Variants in RGS9 observed in about 807,000 individuals in gnomAD.
RGS9 encodes regulator of G protein signaling 9, also known as regulator of G-protein signalling 9.
A neutral mutation model predicts 102.0 loss-of-function variants in RGS9; 78 were observed. The observed-to-expected ratio is 0.76, with a 90% confidence interval of 0.64 to 0.92. RGS9 has a LOEUF of 0.92. Ranked by LOEUF, RGS9 falls within the 40% of genes least tolerant of loss-of-function variation. The pLI is 0.00. For missense variants in RGS9, 833 were observed against 866.1 expected (o/e 0.96, Z 0.48); for synonymous variants, 353 against 318.6 (o/e 1.11, Z -1.15).
intron 17 of RGS9, among the ~76,000 whole-genome samples, chr17:65,216,579 G>T (rs1913530884): frequency 6.6e-6 from 1 of 152,234 alleles, no homozygotes; most frequent in African/African-American, 2.4e-5. Context: ...AGAAGTTGCA[G>T]CGAGCTGAGA....
chr17:65,201,818 G>C (rs570134485), intron 13 of RGS9, among the ~76,000 whole-genome samples, 175 bp from the exon 14 acceptor site: 2 of 152,326 alleles, frequency 1.3e-5, no homozygotes, highest in South Asian at 4.1e-4. Context: ...CTTTCCCCAA[G>C]GAGTATTGTT....
At chr17:65,207,392 GTTGTTAA>G (rs1348044914) in intron 15 of RGS9, among the ~76,000 whole-genome samples, 1 of 152,174 alleles carries the variant, frequency 6.6e-6, no homozygotes, top group African/African-American at 2.4e-5. Flanking sequence ...TGTTCAGGTA[GTTGTTAA>G]TTGTTAATTG....
intron 16 of RGS9, among the ~76,000 whole-genome samples, chr17:65,209,501 G>T (rs569210664): frequency 1.8e-4 from 27 of 152,268 alleles, no homozygotes; most frequent in African/African-American, 6.3e-4. Context: ...GCTTACGTGG[G>T]CCCTCAAAGG....
At chr17:65,167,030 A>G (rs950514649) in intron 7 of RGS9, among the ~76,000 whole-genome samples, 10 of 152,166 alleles carry the variant, frequency 6.6e-5, no homozygotes, top group Non-Finnish European at 1.2e-4. Context: ...GAAAACAAGC[A>G]TTAACAAGTG....
intron 8 of RGS9, among the ~76,000 whole-genome samples, chr17:65,168,673 C>G (rs1040948126): frequency 2.0e-5 from 3 of 149,454 alleles, no homozygotes; most frequent in African/African-American, 7.4e-5. Flanking sequence ...AGAATGGAAA[C>G]TGCTTGGCCA....
At position 65,198,006 on chromosome 17, in the gene RGS9, C is replaced by T. The variant is rs117132379; in HGVS notation, c.976+765C>T. 4.6e-3 allele frequency among the ~76,000 whole-genome samples: 707 copies of T among 152,174 alleles called. 5 individuals are homozygous for T. The highest frequency in any genetic ancestry group is 0.024 in the East Asian group (122 of 5,148). ...CTTTAGCTCAGTGGTTCTACACATT[C>T]AGTCTGCCTGGGGATATTTTAAAAC... is the stretch of plus-strand genomic sequence containing the variant. On this transcript the variant is annotated intron_variant, in intron 13 of 18. Coordinates refer to ENST00000262406, the MANE Select transcript of RGS9 (RefSeq NM_003835.4).
intron 1 of RGS9, among the ~76,000 whole-genome samples, chr17:65,144,267 G>A (rs1010002782): frequency 6.6e-6 from 1 of 152,168 alleles, no homozygotes; most frequent in Admixed American, 6.5e-5. Flanking sequence ...TCCCCCGGGT[G>A]CCTTCTCCAG....
At chr17:65,162,629 A>AT (rs1292003133) in intron 6 of RGS9, among the ~76,000 whole-genome samples, 2 of 146,654 alleles carry the variant, frequency 1.4e-5, no homozygotes, top group African/African-American at 4.9e-5. Context: ...CGCCTGGCTA[A>AT]TTTTTTGTAT....
At chr17:65,178,876 A>G (rs944310373) in intron 9 of RGS9, among the ~76,000 whole-genome samples, 3 of 152,144 alleles carry the variant, frequency 2.0e-5, no homozygotes, top group Non-Finnish European at 4.4e-5. Context: ...AGCTCTGCCC[A>G]TGAGATGTCA....
At chr17:65,199,586 C>G (rs1046635716) in intron 13 of RGS9, among the ~76,000 whole-genome samples, 1 of 150,058 alleles carries the variant, frequency 6.7e-6, no homozygotes, top group Non-Finnish European at 1.5e-5. Context: ...TTCTGCCTCC[C>G]GGGTTCAAGT....
chr17:65,226,852 C>T (rs747722533), intron 18 of RGS9, among the ~76,000 whole-genome samples: 3 of 151,922 alleles, frequency 2.0e-5, no homozygotes, highest in South Asian at 4.2e-4. Context: ...TGACCTCAGG[C>T]GATCCGCCTG....
chr17:65,145,222 C>T (rs1567857841), intron 1 of RGS9, among the ~76,000 whole-genome samples: 1 of 150,842 alleles, frequency 6.6e-6, no homozygotes, highest in Non-Finnish European at 1.5e-5. Flanking sequence ...TCTAGAGTAG[C>T]TGGGACTACA....
chr17:65,188,386 G>A lies in RGS9; in HGVS notation c.655-900G>A, dbSNP rs1370350687. ...AGGGGATGGGGCCTGATTCCACAGG[G>A]CAGCTCAACTCGGGGACTCAGCTTG... On this transcript the variant is annotated intron_variant, in intron 9 of 18. Transcript: ENST00000262406. 2.0e-5 allele frequency among the ~76,000 whole-genome samples: 3 copies of A among 152,180 alleles called. No individual in the cohort carries two copies. In the East Asian group the frequency reaches 5.8e-4, roughly 29 times the overall value.
At chr17:65,193,450 G>A in intron 11 of RGS9, 93 bp from the exon 12 acceptor site, 1 of 815,484 alleles carries the variant, frequency 1.2e-6, no homozygotes, top group Non-Finnish European at 2.2e-6. Flanking sequence ...AATCGATACA[G>A]GAAAAGAGGA....
At chr17:65,221,763 T>G (rs1913713467) in intron 17 of RGS9, among the ~76,000 whole-genome samples, 2 of 152,204 alleles carry the variant, frequency 1.3e-5, no homozygotes, top group Non-Finnish European at 2.9e-5. Flanking sequence ...AGTCCCACTT[T>G]GTGGTTCATA....
chr17:65,160,277 T>G lies in RGS9; in HGVS notation c.250T>G (p.Tyr84Asp), dbSNP rs750192414. ...CTTTATTGTCAGGTATGGCTACATTTACCCCCTGCAAGACCCCAAGAATCT... is the reference window on the plus strand; with the variant it reads ...CTTTATTGTCAGGTATGGCTACATTGACCCCCTGCAAGACCCCAAGAATCT... ...GNFIVRYGYI[Y>D]PLQDPKNLIL... Residue 84 changes from tyrosine to aspartate, a missense_variant, in exon 4 of 19, where the codon TAC becomes GAC. Tyr to Asp is a radical substitution (Grantham distance 160, BLOSUM62 -3). Coordinates refer to ENST00000262406, the MANE Select transcript of RGS9 (RefSeq NM_003835.4). 3 of 1,614,226 alleles carry G rather than the reference T, an allele frequency of 1.9e-6. No individual in the cohort carries two copies. In the East Asian group the frequency reaches 6.7e-5, roughly 36 times the overall value.
At chr17:65,156,326 A>C (rs1910767115) in intron 2 of RGS9, among the ~76,000 whole-genome samples, 1 of 152,202 alleles carries the variant, frequency 6.6e-6, no homozygotes, top group South Asian at 2.1e-4. Context: ...CCCAGCCCAG[A>C]GTCCATATTC....
At position 65,227,496 on chromosome 17, in the gene RGS9, G is replaced by A. The variant is rs554121822; in HGVS notation, c.*89G>A. 7.4e-5 allele frequency: 111 copies of A among 1,508,266 alleles called. No individual in the cohort carries two copies. The East Asian group carries it at 2.1e-3, about 29-fold the overall frequency. The allele number at this position is 1,508,266 out of a possible 1,614,324, so 93.4% of individuals were successfully genotyped here. A position where few individuals can be genotyped will look rare whatever the true frequency, so the allele number is the denominator to read the frequency against. On this transcript the variant is annotated 3_prime_UTR_variant, in exon 19 of 19. Coordinates refer to ENST00000262406, the MANE Select transcript of RGS9 (RefSeq NM_003835.4). ...TGGGCCACAGGACACACTTGCTCGA[G>A]AACCAAAGTGCATTTGGGTGACATT...
Position 65,137,384 on chromosome 17 carries a change from A to T in RGS9, c.-157A>T. 1.4e-6 allele frequency: 1 copy of T among 695,808 alleles called. No homozygotes were observed. The highest frequency in any genetic ancestry group is 2.5e-6 in the Non-Finnish European group (1 of 392,388). The allele number at this position is 695,808 out of a possible 1,614,324, so 43.1% of individuals were successfully genotyped here. ...GCTGCTTTCCAAGTCAGCGGCGCCTAGTGAGAGTCAGGGGGGCCCGGCCCG... is the reference window on the plus strand; with the variant it reads ...GCTGCTTTCCAAGTCAGCGGCGCCTTGTGAGAGTCAGGGGGGCCCGGCCCG... On this transcript the variant is annotated 5_prime_UTR_variant, in exon 1 of 19. Transcript: ENST00000262406.
Sources: allele counts gnomAD v4.1 joint callset (sites outside exome capture counted in the v4.1 genomes callset), GRCh38; gene constraint gnomAD v4.1.1; transcripts MANE v1.5; gene names NCBI Gene and HGNC (gene_info 2026-07-23, HGNC 2026-07-21).